CTNNA2: variants seen among roughly 807,000 people sequenced by gnomAD.
The protein encoded by CTNNA2 is catenin alpha-2.
CTNNA2 carries 42 observed loss-of-function variants against 101.0 expected under a neutral mutation model. The observed-to-expected ratio is 0.42, with a 90% CI of 0.32 to 0.54. CTNNA2 has a LOEUF of 0.54. Among genes scored for constraint, CTNNA2 ranks in the 20% least tolerant of loss-of-function variants. The pLI, the probability that CTNNA2 is intolerant of heterozygous loss-of-function variation, is 0.14. For missense variants in CTNNA2, 871 were observed against 1,223.1 expected (o/e 0.71, Z 4.29); for synonymous variants, 450 against 456.4 (o/e 0.99, Z 0.18).
At chr2:79,464,985 T>G (rs1355168070) in intron 4 of CTNNA2, among the ~76,000 whole-genome samples, 2 of 152,186 alleles carry the variant, frequency 1.3e-5, no homozygotes, top group African/African-American at 2.4e-5. Context: ...CTCTTTAGTT[T>G]AATTAGATCC....
At chr2:80,540,056 A>G (rs1218809324) in intron 9 of CTNNA2, among the ~76,000 whole-genome samples, 2 of 152,070 alleles carry the variant, frequency 1.3e-5, no homozygotes, top group Admixed American at 1.3e-4. Context: ...GTATTGTTCA[A>G]CATCTTTGGG....
At chr2:79,878,440 A>T (rs1389218977) in intron 6 of CTNNA2, among the ~76,000 whole-genome samples, 2 of 152,210 alleles carry the variant, frequency 1.3e-5, no homozygotes, top group African/African-American at 4.8e-5. Flanking sequence ...CCAACAGTGT[A>T]AAAGCGTACC....
At position 80,420,034 on chromosome 2, in the gene CTNNA2, GAAAAAAAAAAA is replaced by G. The variant is rs527701227; in HGVS notation, c.1290+452_1290+462del. On this transcript the variant is annotated intron_variant, in intron 9 of 18. Coordinates refer to ENST00000402739, the MANE Select transcript of CTNNA2 (RefSeq NM_001282597.3). Reference sequence around the variant, plus strand: ...GATGCTGTCCACACTGGGAACTTGTGAAAAAAAAAAAAAAAAAAAAAAAAAAAAACCCACCT... The same window carrying G: ...GATGCTGTCCACACTGGGAACTTGTGAAAAAAAAAAAAAAAAAACCCACCT... Among the ~76,000 whole-genome samples the G allele has an allele frequency of 4.8e-4, 18 of 37,548 alleles. 1 individual carries two copies. In the Admixed American group the frequency reaches 6.7e-3, roughly 14 times the overall value. The allele number at this position is 37,548 out of a possible 152,430, so 24.6% of individuals were successfully genotyped here. A position where few individuals can be genotyped will look rare whatever the true frequency, so the allele number is the denominator to read the frequency against.
chr2:79,410,840 T>C (rs1005715277), intron 4 of CTNNA2, among the ~76,000 whole-genome samples: 5 of 151,894 alleles, frequency 3.3e-5, no homozygotes, highest in Non-Finnish European at 7.4e-5. Flanking sequence ...GGATTCCCTC[T>C]TTTTCTATTG....
At position 79,487,236 on chromosome 2, in the gene CTNNA2, G is replaced by T. The variant is rs148238129; in HGVS notation, c.-134-17818G>T. 8.4e-5 allele frequency among the ~76,000 whole-genome samples: 10 copies of T among 118,696 alleles called. No individual in the cohort carries two copies. The East Asian group carries it at 2.5e-3, about 30-fold the overall frequency. 77.9% of individuals were successfully genotyped at this position (118,696 alleles called of 152,430 possible). A position where few individuals can be genotyped will look rare whatever the true frequency, so the allele number is the denominator to read the frequency against. On this transcript the variant is annotated intron_variant, in intron 4 of 21. Transcript: ENST00000466387. ...ACATAGCAAGTCTAAGGGAAAGATT[G>T]TAAATATTCTATACGTTGCAAAAAA...
intron 3 of CTNNA2, among the ~76,000 whole-genome samples, chr2:79,342,568 A>C (rs1677161447): frequency 6.6e-6 from 1 of 152,210 alleles, no homozygotes; most frequent in Admixed American, 6.5e-5. Context: ...AAATACAGTG[A>C]TTTAGTTATC....
At chr2:79,499,938 A>G (rs889526633) in intron 4 of CTNNA2, among the ~76,000 whole-genome samples, 1 of 152,240 alleles carries the variant, frequency 6.6e-6, no homozygotes, top group Non-Finnish European at 1.5e-5. Context: ...GAGACCCAGG[A>G]CAGCCGACGG....
rs77062041 is a variant in CTNNA2 at position 79,489,939 on chromosome 2, C to T, written c.-134-15115C>T. On this transcript the variant is annotated intron_variant, in intron 4 of 21. Transcript: ENST00000466387. ...TTGGCAGGGAATACTCATGGCCCCT[C>T]GTCTCATTGTCACTGTAATTTTCAG... 0.011 allele frequency among the ~76,000 whole-genome samples: 1,687 copies of T among 152,224 alleles called. 74 individuals carry two copies. In the East Asian group the frequency reaches 0.13, roughly 11 times the overall value.
At chr2:79,722,544 C>T (rs746224266) in intron 2 of CTNNA2, among the ~76,000 whole-genome samples, 6 of 152,116 alleles carry the variant, frequency 3.9e-5, no homozygotes, top group Non-Finnish European at 8.8e-5. Context: ...ATTATCTAAC[C>T]CAACTCCTGA....
At chr2:79,682,958 T>G (rs1488905352) in intron 2 of CTNNA2, among the ~76,000 whole-genome samples, 1 of 152,226 alleles carries the variant, frequency 6.6e-6, no homozygotes, top group Non-Finnish European at 1.5e-5. Context: ...GAAGAAGTTG[T>G]AGGAATAGTA....
intron 7 of CTNNA2, among the ~76,000 whole-genome samples, chr2:80,201,094 G>C (rs554926999): frequency 7.2e-5 from 11 of 152,058 alleles, no homozygotes; most frequent in Admixed American, 1.3e-4. Flanking sequence ...ACCATCTCTA[G>C]ATTAATTAAA....
At chr2:79,937,103 C>T (rs1038362277) in intron 7 of CTNNA2, among the ~76,000 whole-genome samples, 10 of 152,154 alleles carry the variant, frequency 6.6e-5, no homozygotes, top group Admixed American at 6.6e-4. Context: ...AACAAATATT[C>T]ATAAAAATTA....
At chr2:80,560,646 C>T (rs970201842) in intron 12 of CTNNA2, among the ~76,000 whole-genome samples, 5 of 152,134 alleles carry the variant, frequency 3.3e-5, no homozygotes, top group Non-Finnish European at 5.9e-5. Flanking sequence ...CATGCTGCTC[C>T]CTCTGTCCTC....
intron 7 of CTNNA2, among the ~76,000 whole-genome samples, chr2:80,149,340 G>A (rs1558854054): frequency 6.6e-6 from 1 of 152,070 alleles, no homozygotes; most frequent in Non-Finnish European, 1.5e-5. Flanking sequence ...TTTTGATCCT[G>A]TTATGAGAAG....
intron 7 of CTNNA2, among the ~76,000 whole-genome samples, chr2:80,115,601 C>T (rs549782343): frequency 1.6e-4 from 24 of 152,098 alleles, no homozygotes; most frequent in South Asian, 1.0e-3. Flanking sequence ...GAGGGGGAGA[C>T]GGGGAGAGGC....
At position 79,260,349 on chromosome 2, in the gene CTNNA2, A is replaced by T. The variant is rs371066945; in HGVS notation, c.-405-52360A>T. On this transcript the variant is annotated intron_variant, in intron 2 of 21. Coordinates refer to the CTNNA2 transcript ENST00000466387. ...ACAACACATGAGCATTTGTAAAATC[A>T]ATGGGTGCTGTAATCAAGCAAAACA... 4.6e-5 allele frequency among the ~76,000 whole-genome samples: 7 copies of T among 152,266 alleles called. No homozygotes were observed. In the East Asian group the frequency reaches 1.2e-3, roughly 25 times the overall value.
At chr2:80,109,375 T>C (rs4852553) in intron 7 of CTNNA2, among the ~76,000 whole-genome samples, 46,266 of 151,840 alleles carry the variant, frequency 0.3, 8,023 homozygotes, top group East Asian at 0.52. Context: ...GCAGGAGAAT[T>C]GCTTGAACCT....
intron 7 of CTNNA2, among the ~76,000 whole-genome samples, chr2:80,016,157 T>C (rs1694123910): frequency 6.6e-6 from 1 of 152,240 alleles, no homozygotes; most frequent in South Asian, 2.1e-4. Context: ...TTCTGCAGTG[T>C]AGAAGTATAT....
intron 9 of CTNNA2, among the ~76,000 whole-genome samples, chr2:80,506,318 G>A (rs12714003): frequency 0.3 from 46,223 of 151,970 alleles, 7,293 homozygotes; most frequent in African/African-American, 0.38. Context: ...GAAGGTGGTC[G>A]TGGGGAAATA....
Sources: allele counts gnomAD v4.1 joint callset (sites outside exome capture counted in the v4.1 genomes callset), GRCh38; gene constraint gnomAD v4.1.1; transcripts MANE v1.5; gene names NCBI Gene and HGNC (gene_info 2026-07-23, HGNC 2026-07-21).